The following FOXN3 variants were observed in gnomAD, a reference collection of about 807,000 sequenced individuals.
FOXN3 encodes forkhead box protein N3.
FOXN3 carries 7 observed loss-of-function variants against 38.4 expected under a neutral mutation model. The observed-to-expected ratio is 0.18, with a 90% CI of 0.10 to 0.34. The LOEUF (loss-of-function observed/expected upper bound fraction) is 0.34, where lower values mean the gene tolerates loss of function less well. Among genes scored for constraint, FOXN3 ranks in the 10% least tolerant of loss-of-function variants. The pLI is 1.00. For synonymous variants in FOXN3, 230 were observed against 242.2 expected, an observed-to-expected ratio of 0.95 and a Z score of 0.47; for missense variants, 456 against 613.4, an observed-to-expected ratio of 0.74 and a Z score of 2.71.
chr14:89,333,631 G>A (rs1010622477), intron 3 of FOXN3, among the ~76,000 whole-genome samples: 1 of 148,952 alleles, frequency 6.7e-6, no homozygotes, highest in South Asian at 2.1e-4. Context: ...GCATGGTGGC[G>A]CCTGCCTGTA....
At chr14:89,512,712 G>A (rs1165479608) in intron 1 of FOXN3, among the ~76,000 whole-genome samples, 1 of 152,236 alleles carries the variant, frequency 6.6e-6, no homozygotes, top group Non-Finnish European at 1.5e-5. Flanking sequence ...ACTGCCTTCA[G>A]CTCAAAATAA....
chr14:89,246,729 C>T (rs949138065), intron 4 of FOXN3, among the ~76,000 whole-genome samples: 5 of 151,752 alleles, frequency 3.3e-5, no homozygotes, highest in South Asian at 2.1e-4. Flanking sequence ...TTAGTCGAGA[C>T]GGGGTTTCAC....
rs191066507 is a variant in FOXN3, at chr14:89,457,803, G to A, written c.-14-45313C>T. 2.7e-3 allele frequency among the ~76,000 whole-genome samples: 413 copies of A among 152,016 alleles called. 3 individuals carry two copies. The highest frequency in any genetic ancestry group is 9.7e-3 in the African/African-American group (401 of 41,468). On this transcript the variant is annotated intron_variant, in intron 1 of 6. Transcript: ENST00000345097. ...TGAGGAGGGTGGATCACCTGAGGTC[G>A]GGAGTTCGAGACCAGCCTGACCAAC...
rs142082469 is a variant in FOXN3 at position 89,450,301 on chromosome 14, C to G, written c.-14-37811G>C. Among the ~76,000 whole-genome samples, 338 of 152,280 alleles carry G rather than the reference C, an allele frequency of 2.2e-3. 1 individual carries two copies. The highest frequency in any genetic ancestry group is 7.7e-3 in the African/African-American group (319 of 41,540). On this transcript the variant is annotated intron_variant, in intron 1 of 6. Coordinates refer to the FOXN3 transcript ENST00000345097. The stretch of plus-strand genomic sequence containing the variant: ...TTTAGGGCAACCTAATCCATGGTGA[C>G]CTTGTCTTAACTAATTATACATGCA...
chr14:89,202,494 T>A (rs1415433935), intron 4 of FOXN3, among the ~76,000 whole-genome samples: 2 of 152,232 alleles, frequency 1.3e-5, no homozygotes, highest in Non-Finnish European at 2.9e-5. Flanking sequence ...GGATTTGTAA[T>A]GTGCTACAGT....
intron 1 of FOXN3, among the ~76,000 whole-genome samples, chr14:89,617,675 T>C (rs72705446): frequency 0.048 from 7,317 of 152,322 alleles, 210 homozygotes; most frequent in Non-Finnish European, 0.072. Context: ...TGTATACGTG[T>C]AAGCTAGTAG....
intron 4 of FOXN3, among the ~76,000 whole-genome samples, chr14:89,272,267 C>T (rs756448751): frequency 1.3e-5 from 2 of 151,864 alleles, no homozygotes; most frequent in African/African-American, 2.4e-5. Flanking sequence ...GAGCTGAGAT[C>T]GCACCACTGC....
chr14:89,489,407 GC>G (rs1284118542), intron 1 of FOXN3, among the ~76,000 whole-genome samples: 1 of 152,150 alleles, frequency 6.6e-6, no homozygotes, highest in Non-Finnish European at 1.5e-5. Flanking sequence ...TGTTTCTGAT[GC>G]CCTTGAGATT....
At chr14:89,578,951 G>T (rs1020535484) in intron 1 of FOXN3, among the ~76,000 whole-genome samples, 1 of 152,146 alleles carries the variant, frequency 6.6e-6, no homozygotes, top group Admixed American at 6.5e-5. Context: ...GGGCCTAAGT[G>T]ACCCTCTCAC....
chr14:89,490,570 A>T (rs1007854585), intron 1 of FOXN3, among the ~76,000 whole-genome samples: 10 of 152,202 alleles, frequency 6.6e-5, no homozygotes, highest in Non-Finnish European at 1.0e-4. Flanking sequence ...CCTCTATAAA[A>T]TGAATTTAGC....
intron 1 of FOXN3, among the ~76,000 whole-genome samples, chr14:89,538,686 T>C (rs1389455591): frequency 6.7e-6 from 1 of 150,026 alleles, no homozygotes; most frequent in Non-Finnish European, 1.5e-5. Context: ...GCCTGGCTAA[T>C]TTTGTATTTT....
At chr14:89,445,851 T>C (rs1892481215) in intron 1 of FOXN3, among the ~76,000 whole-genome samples, 1 of 151,304 alleles carries the variant, frequency 6.6e-6, no homozygotes, top group Admixed American at 6.6e-5. Context: ...GAGGCCCAGG[T>C]GGTGGAATCC....
chr14:89,570,144 T>C (rs1895461356), intron 1 of FOXN3, among the ~76,000 whole-genome samples: 1 of 151,668 alleles, frequency 6.6e-6, no homozygotes, highest in Non-Finnish European at 1.5e-5. Context: ...GAACTACAGG[T>C]GCATGCCACC....
In FOXN3 at chr14:89,608,073, G is replaced by A. The variant is rs1388630496; in HGVS notation, c.-15+10955C>T. On this transcript the variant is annotated intron_variant, in intron 1 of 6. Coordinates refer to the FOXN3 transcript ENST00000345097. ...AGCTCACTGAAAGCTCCGCTTCCCA[G>A]GTTCACGCCATTCTCCTGCCTCAGC... Among the ~76,000 whole-genome samples the A allele has an allele frequency of 3.9e-5, 6 of 152,250 alleles. No individual in the cohort carries two copies. The East Asian group carries it at 9.7e-4, about 25-fold the overall frequency.
chr14:89,240,466 A>C (rs930881871), intron 4 of FOXN3, among the ~76,000 whole-genome samples: 1 of 152,240 alleles, frequency 6.6e-6, no homozygotes, highest in African/African-American at 2.4e-5. Context: ...GCCCACTACC[A>C]GTGGTGGCTT....
intron 1 of FOXN3, among the ~76,000 whole-genome samples, chr14:89,490,672 G>A (rs530311509): frequency 2.0e-5 from 3 of 152,306 alleles, no homozygotes; most frequent in East Asian, 3.9e-4. Context: ...GAGTTTAGCC[G>A]ATGACAAACA....
chr14:89,209,090 A>G lies in FOXN3; in HGVS notation c.746-28284T>C, dbSNP rs1888456871. Among the ~76,000 whole-genome samples the G allele has an allele frequency of 2.6e-5, 4 of 152,376 alleles. No individual in the cohort carries two copies. In the South Asian group the frequency reaches 8.3e-4, roughly 32 times the overall value. On this transcript the variant is annotated intron_variant, in intron 4 of 5. Coordinates refer to ENST00000557258, the MANE Select transcript of FOXN3 (RefSeq NM_005197.4). ...GAAGAATAAACTTTTTGTTACTCTA[A>G]AACACTTCGGACTCACTGGATATTC... is the stretch of plus-strand genomic sequence containing the variant.
At chr14:89,547,860 G>A (rs1399083545) in intron 1 of FOXN3, among the ~76,000 whole-genome samples, 2 of 152,170 alleles carry the variant, frequency 1.3e-5, no homozygotes, top group African/African-American at 4.8e-5. Flanking sequence ...TTAGTTGAGG[G>A]TCTTCGAAAT....
chr14:89,552,548 T>A (rs535820621), intron 1 of FOXN3, among the ~76,000 whole-genome samples: 1 of 152,292 alleles, frequency 6.6e-6, no homozygotes, highest in East Asian at 1.9e-4. Context: ...CATGGTTGTG[T>A]GAATTCTCCT....
Sources: gnomAD v4.1 joint callset for allele counts (sites outside exome capture counted in the v4.1 genomes callset) on GRCh38, gnomAD v4.1.1 for gene constraint, MANE v1.5 for transcripts, NCBI Gene and HGNC (gene_info 2026-07-23, HGNC 2026-07-21) for gene names.